Variants in ATP5MF observed in about 807,000 individuals in gnomAD.
ATP5MF encodes the protein ATP synthase membrane subunit f, also known as ATP synthase F(0) complex subunit f, mitochondrial.
A neutral mutation model predicts 13.8 loss-of-function variants in ATP5MF; 10 were observed. The observed-to-expected ratio is 0.72, with a 90% CI of 0.45 to 1.23. The LOEUF (loss-of-function observed/expected upper bound fraction) is 1.23, where lower values mean the gene tolerates loss of function less well. ATP5MF is among the 50% of genes most tolerant of loss of function. The probability of loss-of-function intolerance (pLI) is 0.00; values close to 1 mark genes in which losing one functional copy is unlikely to be tolerated. For synonymous variants in ATP5MF, 40 were observed against 45.8 expected (o/e 0.87, Z 0.51); for missense variants, 122 against 118.2 (o/e 1.03, Z -0.15).
At chr7:99,460,342 T>C (rs943730630) in intron 1 of ATP5MF, 149 bp from the exon 2 acceptor site, 17 of 883,782 alleles carry the variant, frequency 1.9e-5, no homozygotes, top group African/African-American at 1.8e-4. Flanking sequence ...TGAAGAAATA[T>C]GTCACATCAA....
chr7:99,459,927 C>T lies in ATP5MF; in HGVS notation c.139+159G>A, dbSNP rs959994424. 4.7e-5 allele frequency: 37 copies of T among 781,856 alleles called. No homozygotes were observed. In the East Asian group the frequency reaches 9.6e-4, roughly 20 times the overall value. The allele number at this position is 781,856 out of a possible 1,614,324, so 48.4% of individuals were successfully genotyped here. Reference sequence around the variant, plus strand: ...CCAGCCTTTGAAAGGGCCAATCAACCACAGAAGTCCAAGGCCTAGCATCCC... The same window carrying T: ...CCAGCCTTTGAAAGGGCCAATCAACTACAGAAGTCCAAGGCCTAGCATCCC... On this transcript the variant is annotated intron_variant, in intron 2 of 3. Transcript: ENST00000292475.
In ATP5MF at chr7:99,459,272, G is replaced by GC; in HGVS notation, c.140-10dup. The GC allele has an allele frequency of 2.5e-6, 4 of 1,595,240 alleles. No individual in the cohort carries two copies. The highest frequency in any genetic ancestry group is 3.4e-6 in the Non-Finnish European group (4 of 1,162,836). The stretch of plus-strand genomic sequence containing the variant: ...GTAGTACCGGTAGTAACCTGCAAAC[G>GC]CAAGAGGCGCTCACTGCCCTGCTGG... On this transcript the variant is annotated splice_polypyrimidine_tract_variant and intron_variant, in intron 2 of 3. Coordinates refer to ENST00000292475, the MANE Select transcript of ATP5MF (RefSeq NM_004889.5).
intron 1 of ATP5MF, among the ~76,000 whole-genome samples, chr7:99,461,878 G>A (rs201235700): frequency 3.3e-5 from 5 of 149,854 alleles, no homozygotes; most frequent in African/African-American, 4.9e-5. Flanking sequence ...GGCTGGTCTC[G>A]AACTCCTGAC....
intron 1 of ATP5MF, among the ~76,000 whole-genome samples, chr7:99,460,778 C>G (rs1173622954): frequency 6.6e-6 from 1 of 152,100 alleles, no homozygotes; most frequent in Non-Finnish European, 1.5e-5. Context: ...GTGTCTCACT[C>G]AGACTTGACG....
intron 1 of ATP5MF, among the ~76,000 whole-genome samples, chr7:99,462,994 G>T (rs1798686053): frequency 2.6e-5 from 4 of 152,246 alleles, no homozygotes; most frequent in Admixed American, 2.6e-4. Flanking sequence ...CATTTTGTAG[G>T]TGTGTGCCCT....
At position 99,459,661 on chromosome 7, in the gene ATP5MF, G is replaced by A. The variant is rs1486324667; in HGVS notation, c.140-398C>T. The A allele has an allele frequency of 3.3e-4, 81 of 245,688 alleles. 1 individual carries two copies. In the South Asian group the frequency reaches 4.3e-3, roughly 13 times the overall value. 15.2% of individuals were successfully genotyped at this position (245,688 alleles called of 1,614,324 possible). A position where few individuals can be genotyped will look rare whatever the true frequency, so the allele number is the denominator to read the frequency against. ...TAAACTCGGCTCAAGCAATCCTCCAGCCTTGGCCTCCCGAAGTGCCGGGAT... is the reference window on the plus strand; with the variant it reads ...TAAACTCGGCTCAAGCAATCCTCCAACCTTGGCCTCCCGAAGTGCCGGGAT... On this transcript the variant is annotated intron_variant, in intron 2 of 3. Coordinates refer to ENST00000292475, the MANE Select transcript of ATP5MF (RefSeq NM_004889.5).
intron 1 of ATP5MF, among the ~76,000 whole-genome samples, chr7:99,461,830 G>A (rs1382204361): frequency 6.6e-6 from 1 of 150,670 alleles, no homozygotes; most frequent in Admixed American, 6.6e-5. Flanking sequence ...GCTAATTTTT[G>A]TATTTTTAGT....
At chr7:99,463,538 G>T (rs1307910919) in intron 1 of ATP5MF, among the ~76,000 whole-genome samples, 2 of 152,146 alleles carry the variant, frequency 1.3e-5, no homozygotes, top group East Asian at 1.9e-4. Context: ...AGCACTCTGG[G>T]AGGCCAAGGC....
chr7:99,458,777 C>T (rs923771525), intron 3 of ATP5MF, among the ~76,000 whole-genome samples: 12 of 152,188 alleles, frequency 7.9e-5, no homozygotes, highest in African/African-American at 1.7e-4. Context: ...GCCTCAGAGC[C>T]GGAACAGCCA....
intron 1 of ATP5MF, among the ~76,000 whole-genome samples, chr7:99,463,684 G>A (rs1157854215): frequency 6.6e-6 from 1 of 152,152 alleles, no homozygotes; most frequent in Non-Finnish European, 1.5e-5. Context: ...GCTGAGGCAG[G>A]AGAATCACTT....
chr7:99,462,532 T>C (rs1798663172), intron 1 of ATP5MF, among the ~76,000 whole-genome samples: 1 of 152,174 alleles, frequency 6.6e-6, no homozygotes. Context: ...ATCCCAGCAC[T>C]GTGGGAGGCC....
Position 99,459,278 on chromosome 7 carries a change from G to A in ATP5MF, c.140-15C>T. 6.3e-7 allele frequency: 1 copy of A among 1,580,982 alleles called. No individual in the cohort carries two copies. Among genetic ancestry groups the A allele is most frequent in the East Asian group, 2.2e-5 (1 of 44,742 alleles). The stretch of plus-strand genomic sequence containing the variant: ...CCGGTAGTAACCTGCAAACGCAAGA[G>A]GCGCTCACTGCCCTGCTGGGCTTCA... On this transcript the variant is annotated splice_polypyrimidine_tract_variant and intron_variant, in intron 2 of 3. Transcript: ENST00000292475.
At chr7:99,459,856 G>A in intron 2 of ATP5MF, 1 of 524,712 alleles carries the variant, frequency 1.9e-6, no homozygotes, top group East Asian at 3.4e-5. Context: ...CAGACATACT[G>A]ATTCCAAGCA....
rs1798424451 is a variant in ATP5MF at position 99,458,337 on chromosome 7, T to C, written c.275A>G (p.Lys92Arg). The C allele has an allele frequency of 1.6e-5, 26 of 1,609,870 alleles. No individual in the cohort carries two copies. Among genetic ancestry groups the C allele is most frequent in the Non-Finnish European group, 2.0e-5 (24 of 1,178,802 alleles). ...CAGAGTGTGTCCTCTTCAGTGGTAT[T>C]TGCGGAGCCGCTCGTGCTCTGAAGT... is the stretch of plus-strand genomic sequence containing the variant. ...YKHLKHERLR[K>R]YH The change falls in exon 4 of 4, where the codon AAA becomes AGA. Residue 92 changes from lysine to arginine, a missense_variant. Coordinates refer to ENST00000292475, the MANE Select transcript of ATP5MF (RefSeq NM_004889.5).
chr7:99,461,074 T>C (rs59672032), intron 1 of ATP5MF, among the ~76,000 whole-genome samples: 16,987 of 152,220 alleles, frequency 0.11, 1,835 homozygotes, highest in African/African-American at 0.28. Context: ...GCTGAGGCTG[T>C]ACTGTCCTCA....
chr7:99,465,355 G>A (rs920172603), intron 1 of ATP5MF, among the ~76,000 whole-genome samples: 12 of 152,130 alleles, frequency 7.9e-5, no homozygotes, highest in Non-Finnish European at 1.2e-4. Flanking sequence ...CCTCAGAGAG[G>A]CCACACCACA....
At chr7:99,458,949 G>C (rs947587456) in intron 3 of ATP5MF, 198 bp downstream of exon 3, 2 of 554,022 alleles carry the variant, frequency 3.6e-6, no homozygotes, top group Non-Finnish European at 6.5e-6. Flanking sequence ...TGTTCTCTTT[G>C]TCACAATTTT....
chr7:99,460,023 CA>C, intron 2 of ATP5MF, 62 bp downstream of exon 2: 2 of 1,541,462 alleles, frequency 1.3e-6, no homozygotes, highest in Non-Finnish European at 8.7e-7. Flanking sequence ...TAATTCATGG[CA>C]AAAAAGAGAT....
At chr7:99,458,475 A>G in intron 3 of ATP5MF, 120 bp from the exon 4 acceptor site, 1 of 1,041,152 alleles carries the variant, frequency 9.6e-7, no homozygotes, top group Non-Finnish European at 1.4e-6. Flanking sequence ...GAGATGACCC[A>G]TGACCCGCCT....
Sources: allele counts gnomAD v4.1 joint callset (sites outside exome capture counted in the v4.1 genomes callset), GRCh38; gene constraint gnomAD v4.1.1; transcripts MANE v1.5; gene names NCBI Gene and HGNC (gene_info 2026-07-23, HGNC 2026-07-21).